IL1RAPL2: variants seen among roughly 807,000 people sequenced by gnomAD.
The protein encoded by IL1RAPL2 is X-linked interleukin-1 receptor accessory protein-like 2.
Under a neutral mutation model 44.1 loss-of-function variants are expected in IL1RAPL2, and 3 were observed. That is an observed-to-expected ratio of 0.07 (90% confidence interval 0.03 to 0.18). The LOEUF (loss-of-function observed/expected upper bound fraction) is 0.18, where lower values mean the gene tolerates loss of function less well. Ranked by LOEUF, IL1RAPL2 falls within the 10% of genes least tolerant of loss-of-function variation. The probability of loss-of-function intolerance (pLI) is 1.00; values close to 1 mark genes in which losing one functional copy is unlikely to be tolerated. For missense variants in IL1RAPL2, 391 were observed against 496.4 expected, an observed-to-expected ratio of 0.79 and a Z score of 2.02; for synonymous variants, 181 against 178.8, an observed-to-expected ratio of 1.01 and a Z score of -0.10.
rs1285433817 is a variant in IL1RAPL2 at position 104,987,605 on chromosome X, A to G, written c.83-207870A>G. Among the ~76,000 whole-genome samples the G allele has an allele frequency of 5.5e-5, 6 of 109,675 alleles. No individual in the cohort carries two copies. The East Asian group carries it at 1.7e-3, about 32-fold the overall frequency. On this transcript the variant is annotated intron_variant, in intron 2 of 10. Coordinates refer to ENST00000372582, the MANE Select transcript of IL1RAPL2 (RefSeq NM_017416.2). ...AGGCCTTAAATGAAAATTTTCAGGC[A>G]CTCTTTATTGTTGGCAAGGTCACTG...
At chrX:105,746,951 T>G (rs1324627951) in intron 8 of IL1RAPL2, among the ~76,000 whole-genome samples, 1 of 111,830 alleles carries the variant, frequency 8.9e-6, no homozygotes, top group African/African-American at 3.3e-5. Context: ...AGAAGTCAGT[T>G]TTCAGAGTAA....
At chrX:104,767,603 A>G (rs1295877052) in intron 2 of IL1RAPL2, among the ~76,000 whole-genome samples, 1 of 112,034 alleles carries the variant, frequency 8.9e-6, no homozygotes, top group African/African-American at 3.2e-5. Context: ...CTTGGGAATG[A>G]GTGAAACTTC....
chrX:104,983,665 A>T (rs900035785), intron 2 of IL1RAPL2, among the ~76,000 whole-genome samples: 6 of 97,798 alleles, frequency 6.1e-5, no homozygotes, highest in East Asian at 3.5e-4. Context: ...TACATAATAT[A>T]TACATAATAT....
At chrX:105,238,714 G>T (rs2034143110) in intron 4 of IL1RAPL2, among the ~76,000 whole-genome samples, 1 of 111,000 alleles carries the variant, frequency 9.0e-6, no homozygotes, top group Admixed American at 9.6e-5. Flanking sequence ...CAAAACAATG[G>T]CCTCCCATAA....
At chrX:104,602,179 A>C (rs1227602055) in intron 1 of IL1RAPL2, among the ~76,000 whole-genome samples, 1 of 111,444 alleles carries the variant, frequency 9.0e-6, no homozygotes, top group Non-Finnish European at 1.9e-5. Flanking sequence ...CAGCCCATGG[A>C]GGGTGAGCCG....
At chrX:105,591,577 G>A (rs749050154) in intron 6 of IL1RAPL2, among the ~76,000 whole-genome samples, 5 of 110,782 alleles carry the variant, frequency 4.5e-5, no homozygotes, top group South Asian at 7.5e-4. Context: ...TCCTCTTAAC[G>A]CTGCTTTAGC....
rs151147318 is a variant in IL1RAPL2 at position 105,144,618 on chromosome X, A to T, written c.83-50857A>T. On this transcript the variant is annotated intron_variant, in intron 2 of 10. Coordinates refer to ENST00000372582, the MANE Select transcript of IL1RAPL2 (RefSeq NM_017416.2). ...TTTTTAGTCATGAAGAATTGTTTCT[A>T]CTTTTCCCATGTAACCCAAGTGATT... is the stretch of plus-strand genomic sequence containing the variant. Among the ~76,000 whole-genome samples, 1,057 of 111,233 alleles carry T rather than the reference A, an allele frequency of 9.5e-3. 26 individuals carry two copies. Among genetic ancestry groups the T allele is most frequent in the African/African-American group, 0.033 (1,001 of 30,535 alleles).
chrX:104,584,129 C>A (rs1486876247), intron 1 of IL1RAPL2, among the ~76,000 whole-genome samples: 1 of 111,223 alleles, frequency 9.0e-6, no homozygotes, highest in Non-Finnish European at 1.9e-5. Flanking sequence ...GGGGTGAGGC[C>A]ATAGGAAGCT....
chrX:104,844,395 A>T (rs1275249752), intron 2 of IL1RAPL2, among the ~76,000 whole-genome samples: 1 of 111,307 alleles, frequency 9.0e-6, no homozygotes, highest in Non-Finnish European at 1.9e-5. Context: ...GCTATGATTA[A>T]ATGATATTTG....
intron 2 of IL1RAPL2, among the ~76,000 whole-genome samples, chrX:104,675,013 C>T (rs771279984): frequency 1.2e-3 from 128 of 110,524 alleles, no homozygotes; most frequent in Middle Eastern, 4.6e-3. Flanking sequence ...GTCTTGCTAG[C>T]GGTCTATCAA....
chrX:104,632,698 C>T (rs1342723963), intron 1 of IL1RAPL2, among the ~76,000 whole-genome samples: 1 of 108,300 alleles, frequency 9.2e-6, no homozygotes, highest in East Asian at 2.9e-4. Flanking sequence ...ATTTTGTATC[C>T]TGAGACTTTG....
intron 2 of IL1RAPL2, among the ~76,000 whole-genome samples, chrX:104,906,337 C>T (rs1401862098): frequency 9.1e-6 from 1 of 110,282 alleles, no homozygotes; most frequent in Non-Finnish European, 1.9e-5. Flanking sequence ...ACTTCCAACA[C>T]TATGTTGAAT....
At chrX:104,730,739 G>A (rs1489309150) in intron 2 of IL1RAPL2, among the ~76,000 whole-genome samples, 1 of 109,053 alleles carries the variant, frequency 9.2e-6, no homozygotes, top group Non-Finnish European at 1.9e-5. Flanking sequence ...TATATACCCA[G>A]TAATGGGATG....
In IL1RAPL2 at chrX:105,412,475, T is replaced by G. The variant is rs372497431; in HGVS notation, c.698-71838T>G. On this transcript the variant is annotated intron_variant, in intron 5 of 10. Coordinates refer to ENST00000372582, the MANE Select transcript of IL1RAPL2 (RefSeq NM_017416.2). ...CACATACCATACCATCTCACTCATA[T>G]GTGGTATCTAAAAAAAGAAAGTTGA... Among the ~76,000 whole-genome samples, 8 of 109,839 alleles carry G rather than the reference T, an allele frequency of 7.3e-5. No homozygotes were observed. The East Asian group carries it at 2.3e-3, about 32-fold the overall frequency.
chrX:105,691,359 T>C (rs1394154518), intron 6 of IL1RAPL2, among the ~76,000 whole-genome samples: 2 of 110,665 alleles, frequency 1.8e-5, no homozygotes, highest in Non-Finnish European at 3.8e-5. Context: ...GAGCTTAAAA[T>C]AGACAAACAA....
chrX:105,409,266 G>T, intron 5 of IL1RAPL2, among the ~76,000 whole-genome samples: 1 of 111,206 alleles, frequency 9.0e-6, no homozygotes, highest in African/African-American at 3.3e-5. Flanking sequence ...ATATATTGAA[G>T]TTTTTGAAAG....
chrX:105,233,014 C>G (rs782667603), intron 3 of IL1RAPL2, among the ~76,000 whole-genome samples: 1 of 112,114 alleles, frequency 8.9e-6, no homozygotes, highest in Non-Finnish European at 1.9e-5. Context: ...GTTGGCCAGG[C>G]GCCGTGGCTC....
chrX:104,692,136 T>A (rs912617370), intron 2 of IL1RAPL2, among the ~76,000 whole-genome samples: 3 of 111,221 alleles, frequency 2.7e-5, no homozygotes, highest in African/African-American at 9.8e-5. Context: ...TGCCTCAGTT[T>A]CCCTTTTATA....
chrX:105,441,850 A>G (rs2035922479), intron 5 of IL1RAPL2, among the ~76,000 whole-genome samples: 1 of 110,321 alleles, frequency 9.1e-6, no homozygotes, highest in Admixed American at 9.7e-5. Context: ...AATCTTTGGT[A>G]TGAGTTTCTG....
Sources: gnomAD v4.1 joint callset for allele counts (sites outside exome capture counted in the v4.1 genomes callset) on GRCh38, gnomAD v4.1.1 for gene constraint, MANE v1.5 for transcripts, NCBI Gene and HGNC (gene_info 2026-07-23, HGNC 2026-07-21) for gene names.